The following SYCP1 variants were observed in gnomAD, a reference collection of about 807,000 sequenced individuals.
SYCP1 encodes the protein cancer/testis antigen 8.
A neutral mutation model predicts 153.1 loss-of-function variants in SYCP1; 64 were observed. That is an observed-to-expected ratio of 0.42 (90% confidence interval 0.34 to 0.51). The LOEUF (loss-of-function observed/expected upper bound fraction) is 0.51. Ranked by LOEUF, SYCP1 falls within the 20% of genes least tolerant of loss-of-function variation. The probability of loss-of-function intolerance (pLI) is 0.06; values close to 1 mark genes in which losing one functional copy is unlikely to be tolerated. For missense variants in SYCP1, 997 were observed against 1,049.0 expected (o/e 0.95, Z 0.68); for synonymous variants, 384 against 341.8 (o/e 1.12, Z -1.36).
rs953686400 is a variant in SYCP1 at position 114,926,529 on chromosome 1, C to A, written c.1892C>A (p.Ala631Glu). The A allele has an allele frequency of 1.1e-5, 17 of 1,591,804 alleles. No individual in the cohort carries two copies. Among genetic ancestry groups the A allele is most frequent in the African/African-American group, 1.4e-5 (1 of 73,468 alleles). The change falls in exon 23 of 32, where the codon GCA becomes GAA. Residue 631 changes from alanine (A) to glutamate (E), a missense_variant. By Grantham distance (107) the Ala-to-Glu change is moderately radical. Coordinates refer to ENST00000369522, the MANE Select transcript of SYCP1 (RefSeq NM_003176.4). ...ENKALKKKGT[A>E]ESKQLNVYEI... is the part of the protein sequence containing the mutation. Reference sequence around the variant, plus strand: ...AAGGCCTTGAAAAAAAAAGGTACAGCAGAAAGCAAGCAACTGAATGTTTAT... The same window carrying A: ...AAGGCCTTGAAAAAAAAAGGTACAGAAGAAAGCAAGCAACTGAATGTTTAT...
intron 30 of SYCP1, 29 bp downstream of exon 30, chr1:114,984,897 T>C (rs1673398087): frequency 9.2e-7 from 1 of 1,087,224 alleles, no homozygotes; most frequent in African/African-American, 1.7e-5. Context: ...ATATTTAGTA[T>C]TTATTTATAT....
At chr1:114,894,632 G>T (rs1666936674) in intron 15 of SYCP1, among the ~76,000 whole-genome samples, 2 of 152,024 alleles carry the variant, frequency 1.3e-5, no homozygotes, top group Admixed American at 1.3e-4. Flanking sequence ...AAGAAAACAA[G>T]AACAGGAGGT....
At chr1:114,946,630 G>A (rs1670725614) in intron 26 of SYCP1, among the ~76,000 whole-genome samples, 1 of 152,092 alleles carries the variant, frequency 6.6e-6, no homozygotes. Context: ...ACCTCTGATT[G>A]AAATTGGGAG....
At chr1:114,984,646 A>T (rs1182364273) in intron 29 of SYCP1, 79 bp from the exon 30 acceptor site, 72 of 1,179,298 alleles carry the variant, frequency 6.1e-5, no homozygotes, top group Non-Finnish European at 7.9e-5. Context: ...AAATTGCCTT[A>T]AAATTATTTG....
At chr1:114,885,785 A>G (rs563209810) in intron 13 of SYCP1, among the ~76,000 whole-genome samples, 156 bp downstream of exon 13, 1 of 152,306 alleles carries the variant, frequency 6.6e-6, no homozygotes, top group South Asian at 2.1e-4. Context: ...GTTTAGAGAC[A>G]TTGCATAAAA....
At chr1:114,883,927 A>G (rs1289326132) in intron 12 of SYCP1, among the ~76,000 whole-genome samples, 2 of 152,036 alleles carry the variant, frequency 1.3e-5, no homozygotes, top group African/African-American at 2.4e-5. Context: ...TCCTGACCTC[A>G]TGATCCACCC....
intron 7 of SYCP1, among the ~76,000 whole-genome samples, chr1:114,860,046 T>G (rs1421499173): frequency 6.6e-6 from 1 of 152,188 alleles, no homozygotes; most frequent in Non-Finnish European, 1.5e-5. Context: ...GAATAAACAT[T>G]CCTTGGTGTC....
chr1:114,910,167 A>T lies in SYCP1; in HGVS notation c.1321-230A>T, dbSNP rs569807661. The stretch of plus-strand genomic sequence containing the variant: ...ATAGTAGAAGGAATGATGAGAAATT[A>T]ATCATCTGTAACTAAACAATTAATT... On this transcript the variant is annotated intron_variant, in intron 16 of 31. Coordinates refer to ENST00000369522, the MANE Select transcript of SYCP1 (RefSeq NM_003176.4). 9.3e-5 allele frequency: 26 copies of T among 278,878 alleles called. No individual in the cohort carries two copies. The East Asian group carries it at 2.1e-3, about 23-fold the overall frequency. The allele number at this position is 278,878 out of a possible 1,614,324, so 17.3% of individuals were successfully genotyped here.
intron 12 of SYCP1, among the ~76,000 whole-genome samples, chr1:114,884,179 G>A (rs1666144947): frequency 6.6e-6 from 1 of 152,168 alleles, no homozygotes. Context: ...TATAAGTCCT[G>A]TTATGATCTT....
rs1005273111 is a variant in SYCP1, at chr1:114,965,094, T to C, written c.2323-12463T>C. 2.0e-5 allele frequency among the ~76,000 whole-genome samples: 3 copies of C among 152,286 alleles called. No homozygotes were observed. The South Asian group carries it at 6.2e-4, about 32-fold the overall frequency. On this transcript the variant is annotated intron_variant, in intron 27 of 31. Coordinates refer to ENST00000369522, the MANE Select transcript of SYCP1 (RefSeq NM_003176.4). The stretch of plus-strand genomic sequence containing the variant: ...GGTCCTTCACATCCCTTGTAAGTTG[T>C]ATTCGTAGGTATTTTATTCTCTTTG...
intron 27 of SYCP1, among the ~76,000 whole-genome samples, chr1:114,964,072 C>T (rs893871629): frequency 5.9e-5 from 9 of 152,028 alleles, no homozygotes; most frequent in Admixed American, 1.3e-4. Context: ...CATTCTAACT[C>T]GTGTGAGATG....
At chr1:114,910,173 C>A in intron 16 of SYCP1, 1 of 300,304 alleles carries the variant, frequency 3.3e-6, no homozygotes. Context: ...AATTAATCAT[C>A]TGTAACTAAA....
At chr1:114,965,775 G>A (rs1003963021) in intron 27 of SYCP1, among the ~76,000 whole-genome samples, 2 of 152,110 alleles carry the variant, frequency 1.3e-5, no homozygotes, top group South Asian at 2.1e-4. Flanking sequence ...TTATCACATC[G>A]ATGTTCATCA....
At chr1:114,856,857 G>A (rs1288062638) in intron 3 of SYCP1, among the ~76,000 whole-genome samples, 200 bp downstream of exon 3, 1 of 144,418 alleles carries the variant, frequency 6.9e-6, no homozygotes, top group African/African-American at 2.5e-5. Context: ...GGCTGATGGA[G>A]GGGGATCACT....
intron 21 of SYCP1, among the ~76,000 whole-genome samples, chr1:114,923,787 T>C (rs1450113296): frequency 6.6e-6 from 1 of 152,150 alleles, no homozygotes; most frequent in African/African-American, 2.4e-5. Context: ...TAACATTTTT[T>C]AGGCAAAATA....
At chr1:114,862,352 GT>G (rs67029711) in intron 8 of SYCP1, among the ~76,000 whole-genome samples, 62,820 of 140,236 alleles carry the variant, frequency 0.45, 14,604 homozygotes, top group Non-Finnish European at 0.55. Context: ...TTTGTTCTTT[GT>G]TTTTTTTTTT....
At chr1:114,989,306 A>C (rs1673748662) in intron 30 of SYCP1, among the ~76,000 whole-genome samples, 1 of 152,030 alleles carries the variant, frequency 6.6e-6, no homozygotes, top group South Asian at 2.1e-4. Flanking sequence ...TTAGGAAGTT[A>C]AATGTAATCT....
intron 27 of SYCP1, among the ~76,000 whole-genome samples, chr1:114,956,314 G>C (rs1671429477): frequency 6.6e-6 from 1 of 152,164 alleles, no homozygotes; most frequent in South Asian, 2.1e-4. Context: ...TGTCTGTGCA[G>C]GGCCCTGCTG....
chr1:114,863,468 G>C (rs972568704), intron 8 of SYCP1, among the ~76,000 whole-genome samples: 1 of 152,114 alleles, frequency 6.6e-6, no homozygotes, highest in African/African-American at 2.4e-5. Flanking sequence ...CAGGGGAATC[G>C]CTTGAACCCG....
Sources: allele counts gnomAD v4.1 joint callset (sites outside exome capture counted in the v4.1 genomes callset), GRCh38; gene constraint gnomAD v4.1.1; transcripts MANE v1.5; gene names NCBI Gene and HGNC (gene_info 2026-07-23, HGNC 2026-07-21).